Variants in ACSBG1 observed in about 807,000 individuals in gnomAD.
ACSBG1 encodes long-chain-fatty-acid--CoA ligase ACSBG1.
Under a neutral mutation model 80.2 loss-of-function variants are expected in ACSBG1, and 39 were observed. The ratio of observed to expected loss-of-function variants is 0.49; its 90% confidence interval spans 0.38 to 0.64. The LOEUF is 0.64. Ranked by LOEUF, ACSBG1 falls within the 30% of genes least tolerant of loss-of-function variation. The pLI is 0.00. For missense variants in ACSBG1, 828 were observed against 966.4 expected (o/e 0.86, Z 1.90); for synonymous variants, 392 against 379.5 (o/e 1.03, Z -0.38).
At chr15:78,191,032 T>C (rs543704378) in intron 5 of ACSBG1, among the ~76,000 whole-genome samples, 1 of 152,214 alleles carries the variant, frequency 6.6e-6, no homozygotes, top group East Asian at 1.9e-4. Flanking sequence ...ACTTTAAATA[T>C]AAAGACACAG....
At chr15:78,180,418 G>A (rs1466180676) in intron 9 of ACSBG1, among the ~76,000 whole-genome samples, 1 of 152,228 alleles carries the variant, frequency 6.6e-6, no homozygotes, top group East Asian at 1.9e-4. Context: ...GAAAGGCTAA[G>A]TCCTGATCAC....
chr15:78,173,886 CGTAAG>C, intron 12 of ACSBG1, 47 bp from the exon 13 acceptor site: 1 of 1,588,632 alleles, frequency 6.3e-7, no homozygotes. Context: ...CCCAACAAGA[CGTAAG>C]CCCTGGTCCT....
At chr15:78,207,739 TC>T in intron 2 of ACSBG1, 1 of 491,262 alleles carries the variant, frequency 2.0e-6, no homozygotes, top group South Asian at 2.9e-5. Context: ...TACCTGTCTC[TC>T]TATCTCTGGC....
In ACSBG1 at chr15:78,189,570, A is replaced by C. The variant is rs529699740; in HGVS notation, c.663+3936T>G. ...ATCATTCTCAGTAAACTATCGCAAGAACAAAAAAACCAAACACCACATACT... is the reference window on the plus strand; with the variant it reads ...ATCATTCTCAGTAAACTATCGCAAGCACAAAAAAACCAAACACCACATACT... On this transcript the variant is annotated intron_variant, in intron 5 of 13. Transcript: ENST00000258873. Among the ~76,000 whole-genome samples the C allele has an allele frequency of 5.3e-5, 8 of 152,212 alleles. No homozygotes were observed. The East Asian group carries it at 1.4e-3, about 26-fold the overall frequency.
intron 1 of ACSBG1, among the ~76,000 whole-genome samples, chr15:78,224,707 C>CAA (rs1567100528): frequency 2.0e-5 from 3 of 149,760 alleles, no homozygotes; most frequent in Non-Finnish European, 4.4e-5. Flanking sequence ...GGCGACAGAG[C>CAA]GAGACTCCGC....
chr15:78,206,094 G>T (rs1374838025), intron 2 of ACSBG1, among the ~76,000 whole-genome samples: 2 of 152,226 alleles, frequency 1.3e-5, no homozygotes, highest in African/African-American at 4.8e-5. Context: ...AGGTCTGTGG[G>T]AGCCCATGAT....
intron 2 of ACSBG1, among the ~76,000 whole-genome samples, chr15:78,195,167 C>A (rs2075102086): frequency 6.6e-6 from 1 of 152,178 alleles, no homozygotes; most frequent in Admixed American, 6.5e-5. Flanking sequence ...GAACGACCCT[C>A]CCGAGGGTCT....
chr15:78,180,541 G>A (rs2074931353), intron 9 of ACSBG1, among the ~76,000 whole-genome samples: 2 of 152,186 alleles, frequency 1.3e-5, no homozygotes, highest in South Asian at 4.1e-4. Context: ...ACTCCTCCCA[G>A]TCAGAATCCA....
chr15:78,193,117 G>A lies in ACSBG1; in HGVS notation c.663+389C>T, dbSNP rs533827919. 4.0e-5 allele frequency among the ~76,000 whole-genome samples: 6 copies of A among 151,812 alleles called. 1 individual carries two copies. The South Asian group carries it at 1.3e-3, about 32-fold the overall frequency. ...CCCCCATCACCCTGTTCCTCACCTAGACTTGAGTGCTCAAGATGTCACAGC... is the reference window on the plus strand; with the variant it reads ...CCCCCATCACCCTGTTCCTCACCTAAACTTGAGTGCTCAAGATGTCACAGC... On this transcript the variant is annotated intron_variant, in intron 5 of 13. Transcript: ENST00000258873.
chr15:78,210,116 TC>T (rs889845673), intron 1 of ACSBG1, among the ~76,000 whole-genome samples: 5 of 152,314 alleles, frequency 3.3e-5, no homozygotes, highest in African/African-American at 1.2e-4. Context: ...GGGTGCCTTT[TC>T]CTGGAGGGGC....
chr15:78,178,949 A>G lies in ACSBG1; in HGVS notation c.1485-118T>C, dbSNP rs1302100979. ...TGATTGCTAGAAGGTATCCCCTCAC[A>G]GGGCTTTTGTATTTTTACAGGGGAC... On this transcript the variant is annotated intron_variant, in intron 10 of 13. Coordinates refer to ENST00000258873, the MANE Select transcript of ACSBG1 (RefSeq NM_015162.5). This position sits in a 1 kb window ranked among gnomAD's most constrained non-coding sequence, Gnocchi z 4.3. 5.7e-6 allele frequency: 6 copies of G among 1,047,190 alleles called. No homozygotes were observed. Among genetic ancestry groups the G allele is most frequent in the African/African-American group, 1.6e-5 (1 of 62,294 alleles). 64.9% of individuals were successfully genotyped at this position (1,047,190 alleles called of 1,614,324 possible).
chr15:78,190,226 T>C (rs949273284), intron 5 of ACSBG1, among the ~76,000 whole-genome samples: 1 of 46,012 alleles, frequency 2.2e-5, no homozygotes, highest in Non-Finnish European at 4.1e-5. Flanking sequence ...CTGGGCAACA[T>C]AGCAAGACTC....
chr15:78,169,999 C>G lies in ACSBG1; in HGVS notation c.*1445G>C, dbSNP rs755562201. 6.6e-6 allele frequency: 1 copy of G among 152,196 alleles called. No individual in the cohort carries two copies. Among genetic ancestry groups the G allele is most frequent in the African/African-American group, 2.4e-5 (1 of 41,454 alleles). 9.4% of individuals were successfully genotyped at this position (152,196 alleles called of 1,614,324 possible). A position where few individuals can be genotyped will look rare whatever the true frequency, so the allele number is the denominator to read the frequency against. ...TTGTATTTCAGCAACTGCCCCTTCTCCTATCCCAAAGCACCAATTACTGCC... is the reference window on the plus strand; with the variant it reads ...TTGTATTTCAGCAACTGCCCCTTCTGCTATCCCAAAGCACCAATTACTGCC... On this transcript the variant is annotated 3_prime_UTR_variant, in exon 14 of 14. Coordinates refer to ENST00000258873, the MANE Select transcript of ACSBG1 (RefSeq NM_015162.5).
At chr15:78,190,388 T>A (rs2075046629) in intron 5 of ACSBG1, among the ~76,000 whole-genome samples, 1 of 151,174 alleles carries the variant, frequency 6.6e-6, no homozygotes, top group Admixed American at 6.6e-5. Context: ...AGGGTCTAAC[T>A]CTGTCACCCA....
At chr15:78,182,234 G>C (rs2074953839) in intron 7 of ACSBG1, 89 bp from the exon 8 acceptor site, 2 of 1,504,758 alleles carry the variant, frequency 1.3e-6, no homozygotes, top group East Asian at 2.3e-5. Context: ...GCCAGCCCCA[G>C]TGTGGTGCCC....
rs62009342 is a variant in ACSBG1 at position 78,172,171 on chromosome 15, G to T, written c.2090-642C>A. On this transcript the variant is annotated intron_variant, in intron 13 of 13. Transcript: ENST00000258873. This position sits in a 1 kb window ranked among gnomAD's most constrained non-coding sequence, Gnocchi z 4.1. ...CCCAGCTCACATTGACTGTAATCCC[G>T]TGAGACCCAAGCCAGAACCACTCAG... 6.6e-6 allele frequency among the ~76,000 whole-genome samples: 1 copy of T among 152,180 alleles called. No homozygotes were observed. The highest frequency in any genetic ancestry group is 1.5e-5 in the Non-Finnish European group (1 of 68,022).
At chr15:78,215,035 C>T (rs947874582) in intron 1 of ACSBG1, among the ~76,000 whole-genome samples, 1 of 152,110 alleles carries the variant, frequency 6.6e-6, no homozygotes, top group Non-Finnish European at 1.5e-5. Context: ...TGGGAGCCCC[C>T]CCATAGACCC....
intron 1 of ACSBG1, among the ~76,000 whole-genome samples, chr15:78,220,154 T>C (rs1487806063): frequency 1.3e-5 from 2 of 152,178 alleles, no homozygotes; most frequent in Non-Finnish European, 1.5e-5. Context: ...GTGAATGAAA[T>C]AGAATTAAGA....
At chr15:78,199,348 GTGC>G (rs1302687892) in intron 2 of ACSBG1, among the ~76,000 whole-genome samples, 1 of 151,102 alleles carries the variant, frequency 6.6e-6, no homozygotes, top group Non-Finnish European at 1.5e-5. Flanking sequence ...GCCTCCCAAA[GTGC>G]TAGGATTACA....
Sources: allele counts gnomAD v4.1 joint callset (sites outside exome capture counted in the v4.1 genomes callset), GRCh38; gene constraint gnomAD v4.1.1; non-coding constraint Gnocchi (gnomAD v3.1); transcripts MANE v1.5; gene names NCBI Gene and HGNC (gene_info 2026-07-23, HGNC 2026-07-21).